BTAF1: variants seen among roughly 807,000 people sequenced by gnomAD.
The protein encoded by BTAF1 is B-TFIID TATA-box binding protein associated factor 1.
Under a neutral mutation model 227.1 loss-of-function variants are expected in BTAF1, and 38 were observed. The observed-to-expected ratio is 0.17, with a 90% CI of 0.13 to 0.22. The LOEUF is 0.22. Ranked by LOEUF, BTAF1 falls within the 10% of genes least tolerant of loss-of-function variation. The pLI is 1.00. For missense variants in BTAF1, 1,598 were observed against 2,204.0 expected, an observed-to-expected ratio of 0.73 and a Z score of 5.51; for synonymous variants, 742 against 751.9, an observed-to-expected ratio of 0.99 and a Z score of 0.21.
Position 91,969,762 on chromosome 10 carries a change from C to T in BTAF1, c.1650+3005C>T, listed in dbSNP as rs556143198. Among the ~76,000 whole-genome samples, 48 of 152,144 alleles carry T rather than the reference C, an allele frequency of 3.2e-4. No homozygotes were observed. In the East Asian group the frequency reaches 7.7e-3, roughly 25 times the overall value. ...GCGGATCACTTCAGGCCAGGAGTTC[C>T]AGACCAACGTGGGCAACATGGTGAA... On this transcript the variant is annotated intron_variant, in intron 14 of 37. Transcript: ENST00000265990.
intron 26 of BTAF1, 40 bp from the exon 27 acceptor site, chr10:92,008,788 AT>A: frequency 6.7e-7 from 1 of 1,499,580 alleles, no homozygotes; most frequent in Non-Finnish European, 9.0e-7. Flanking sequence ...GAAAAAATAA[AT>A]TTATGATGTA....
At chr10:91,958,481 C>G (rs552235021) in intron 8 of BTAF1, among the ~76,000 whole-genome samples, 2 of 151,860 alleles carry the variant, frequency 1.3e-5, no homozygotes, top group Admixed American at 6.6e-5. Flanking sequence ...GCGGACAGAT[C>G]GCTTCAGGTC....
rs1305858409 is a variant in BTAF1 at position 92,016,426 on chromosome 10, T to A, written c.4671T>A (p.Thr1557=). The A allele has an allele frequency of 1.9e-6, 3 of 1,592,666 alleles. No individual in the cohort carries two copies. Among genetic ancestry groups the A allele is most frequent in the Non-Finnish European group, 1.7e-6 (2 of 1,172,284 alleles). ...CTTCAGCTACACTTTCTGAAGAAAC[T>A]GAAAAACCAAAGCTTAAAGCTACAG... The part of the protein sequence containing the change: ...TVSSATLSEE[T]EKPKLKATGH... The change falls in exon 33 of 38, where the codon ACT becomes ACA. Residue 1557 remains threonine (T), a synonymous_variant. Transcript: ENST00000265990.
chr10:91,971,160 T>C (rs1272946277), intron 14 of BTAF1, among the ~76,000 whole-genome samples: 1 of 152,246 alleles, frequency 6.6e-6, no homozygotes, highest in African/African-American at 2.4e-5. Flanking sequence ...TTTTAGCTTC[T>C]TTTTCTATTA....
intron 1 of BTAF1, among the ~76,000 whole-genome samples, chr10:91,927,999 T>G (rs1161645927): frequency 1.7e-5 from 2 of 117,414 alleles, no homozygotes; most frequent in East Asian, 2.4e-4. Flanking sequence ...TTTTTTTTTT[T>G]GCAGTAAGGA....
intron 20 of BTAF1, 146 bp downstream of exon 20, chr10:91,989,726 C>G (rs1848618678): frequency 1.2e-6 from 1 of 825,132 alleles, no homozygotes; most frequent in Admixed American, 3.2e-5. Context: ...TAACAAAACT[C>G]TTTGTTACAT....
At chr10:91,963,435 A>T (rs1310706883) in intron 12 of BTAF1, among the ~76,000 whole-genome samples, 1 of 151,782 alleles carries the variant, frequency 6.6e-6, no homozygotes, top group African/African-American at 2.4e-5. Context: ...AAAAAAAAAA[A>T]ATTATTTTTT....
intron 30 of BTAF1, 143 bp from the exon 31 acceptor site, chr10:92,013,524 A>G: frequency 1.8e-6 from 2 of 1,085,222 alleles, no homozygotes; most frequent in Non-Finnish European, 2.6e-6. Flanking sequence ...ACACACTAAA[A>G]TAAAGACTTA....
intron 36 of BTAF1, 121 bp downstream of exon 36, chr10:92,026,872 G>T: frequency 2.7e-6 from 3 of 1,130,226 alleles, no homozygotes; most frequent in South Asian, 1.7e-5. Context: ...TATGACCTTG[G>T]ACAGATCACT....
intron 25 of BTAF1, among the ~76,000 whole-genome samples, chr10:92,005,515 G>A (rs1849819199): frequency 6.6e-6 from 1 of 152,042 alleles, no homozygotes; most frequent in Non-Finnish European, 1.5e-5. Flanking sequence ...ATGTTCTATA[G>A]CTTTCAGTGT....
intron 24 of BTAF1, 78 bp downstream of exon 24, chr10:91,996,648 T>C: frequency 7.2e-7 from 1 of 1,391,806 alleles, no homozygotes; most frequent in Non-Finnish European, 1.0e-6. Flanking sequence ...AATTGATGTG[T>C]TCTAATATGC....
intron 34 of BTAF1, among the ~76,000 whole-genome samples, chr10:92,019,138 T>A (rs1850944955): frequency 6.6e-6 from 1 of 152,216 alleles, no homozygotes; most frequent in African/African-American, 2.4e-5. Flanking sequence ...AGTGTGTAAA[T>A]CTGAGGCATT....
intron 37 of BTAF1, among the ~76,000 whole-genome samples, chr10:92,028,017 T>G (rs966382715): frequency 1.3e-5 from 2 of 152,194 alleles, no homozygotes; most frequent in African/African-American, 4.8e-5. Flanking sequence ...GAAATATGTC[T>G]AGTTTGGGGA....
chr10:91,947,735 CAAAAAAAA>C (rs34292341), intron 4 of BTAF1, among the ~76,000 whole-genome samples: 50 of 107,342 alleles, frequency 4.7e-4, no homozygotes, highest in East Asian at 2.4e-3. Context: ...TCAATGTTTG[CAAAAAAAA>C]AAAAAAAAAA....
At chr10:91,964,415 A>G (rs1307188314) in intron 13 of BTAF1, among the ~76,000 whole-genome samples, 1 of 152,000 alleles carries the variant, frequency 6.6e-6, no homozygotes, top group Non-Finnish European at 1.5e-5. Flanking sequence ...CCCTTGAGAT[A>G]TTTCAGTTAT....
intron 33 of BTAF1, among the ~76,000 whole-genome samples, chr10:92,017,984 A>C (rs544225169): frequency 6.6e-6 from 1 of 152,326 alleles, no homozygotes; most frequent in East Asian, 1.9e-4. Context: ...TGTTTCACAA[A>C]CACAACCACT....
chr10:91,968,059 A>T (rs1400695606), intron 14 of BTAF1, among the ~76,000 whole-genome samples: 1 of 152,186 alleles, frequency 6.6e-6, no homozygotes, highest in Non-Finnish European at 1.5e-5. Context: ...TAAAGTCCAC[A>T]CTTTACAGTA....
chr10:91,930,998 G>A lies in BTAF1; in HGVS notation c.15-4659G>A, dbSNP rs1844243593. Among the ~76,000 whole-genome samples, 4 of 152,146 alleles carry A rather than the reference G, an allele frequency of 2.6e-5. No homozygotes were observed. In the South Asian group the frequency reaches 8.3e-4, roughly 32 times the overall value. ...GCCCCTCCCCTCCCGAGATGTTTTAGAGTGGAAATACAGTATGTATTTGTT... is the reference window on the plus strand; with the variant it reads ...GCCCCTCCCCTCCCGAGATGTTTTAAAGTGGAAATACAGTATGTATTTGTT... On this transcript the variant is annotated intron_variant, in intron 1 of 37. Transcript: ENST00000265990.
chr10:91,954,136 G>A (rs1033903071), intron 6 of BTAF1, among the ~76,000 whole-genome samples: 5 of 152,086 alleles, frequency 3.3e-5, no homozygotes, highest in African/African-American at 1.2e-4. Flanking sequence ...GAGCATTCCA[G>A]GCAGAAGAAA....
Sources: allele counts gnomAD v4.1 joint callset (sites outside exome capture counted in the v4.1 genomes callset), GRCh38; gene constraint gnomAD v4.1.1; transcripts MANE v1.5; gene names NCBI Gene and HGNC (gene_info 2026-07-23, HGNC 2026-07-21).